The following NOX4 variants were observed in gnomAD, a reference collection of about 807,000 sequenced individuals.
NOX4 encodes kidney oxidase-1.
NOX4 carries 69 observed loss-of-function variants against 87.6 expected under a neutral mutation model. The observed-to-expected ratio is 0.79, with a 90% CI of 0.65 to 0.96. The LOEUF is 0.96. Among genes scored for constraint, NOX4 ranks in the 40% least tolerant of loss-of-function variants. The pLI, the probability that NOX4 is intolerant of heterozygous loss-of-function variation, is 0.00. For synonymous variants in NOX4, 275 were observed against 238.2 expected (o/e 1.15, Z -1.42); for missense variants, 680 against 681.5 (o/e 1.00, Z 0.02).
chr11:89,500,580 T>C (rs1210728502), upstream of NOX4, among the ~76,000 whole-genome samples: 1 of 152,084 alleles, frequency 6.6e-6, no homozygotes, highest in Non-Finnish European at 1.5e-5. Context: ...TTTCTACAAA[T>C]GAGATGTGAG....
chr11:89,472,162 TA>T lies in NOX4; in HGVS notation c.153+18295del, dbSNP rs567169783. The stretch of plus-strand genomic sequence containing the variant: ...CAATAATTGAAGCAATCATTTCTTT[TA>T]AAAAAAATTCTGAAAATAAACTACC... On this transcript the variant is annotated intron_variant, in intron 2 of 17. Coordinates refer to ENST00000263317, the MANE Select transcript of NOX4 (RefSeq NM_016931.5). 1.6e-4 allele frequency among the ~76,000 whole-genome samples: 25 copies of T among 152,208 alleles called. No homozygotes were observed. The East Asian group carries it at 3.5e-3, about 21-fold the overall frequency.
At position 89,325,651 on chromosome 11, in the gene NOX4, T is replaced by C. The variant is rs1483017699; in HGVS notation, c.*1105A>G. ...TTAAAAGGTAAAATACAGGTTTTAC[T>C]GTTCAGGAATATGACTAGACTTTCA... On this transcript the variant is annotated 3_prime_UTR_variant, in exon 18 of 18. Transcript: ENST00000263317. 1.3e-5 allele frequency: 2 copies of C among 152,070 alleles called. No individual in the cohort carries two copies. The highest frequency in any genetic ancestry group is 2.4e-5 in the African/African-American group (1 of 41,416). The allele number at this position is 152,070 out of a possible 1,614,324, so 9.4% of individuals were successfully genotyped here. A position where few individuals can be genotyped will look rare whatever the true frequency, so the allele number is the denominator to read the frequency against.
At chr11:89,425,422 A>C (rs567699914) in intron 7 of NOX4, among the ~76,000 whole-genome samples, 23 of 151,428 alleles carry the variant, frequency 1.5e-4, no homozygotes, top group Middle Eastern at 3.4e-3. Context: ...AAAAAAAAAA[A>C]AACAAAACAA....
intron 11 of NOX4, among the ~76,000 whole-genome samples, chr11:89,377,443 A>G (rs1218954798): frequency 6.6e-6 from 1 of 152,172 alleles, no homozygotes; most frequent in Non-Finnish European, 1.5e-5. Context: ...ACAGATCTGG[A>G]GAAATACGTA....
At chr11:89,356,247 G>A (rs1938037628) in intron 12 of NOX4, among the ~76,000 whole-genome samples, 1 of 152,010 alleles carries the variant, frequency 6.6e-6, no homozygotes, top group Admixed American at 6.6e-5. Context: ...GTAATTGTTG[G>A]TGTTTCATAT....
chr11:89,458,762 T>TCACA (rs1220898792), intron 2 of NOX4, among the ~76,000 whole-genome samples: 1 of 152,060 alleles, frequency 6.6e-6, no homozygotes, highest in African/African-American at 2.4e-5. Flanking sequence ...AAATACCATC[T>TCACA]CACACCAGTC....
At chr11:89,520,363 T>C in the NOX4 span, among the ~76,000 whole-genome samples, 3 of 152,032 alleles carry the variant, frequency 2.0e-5, no homozygotes, top group Non-Finnish European at 2.9e-5. Flanking sequence ...CAAAACAAAA[T>C]ATTAGGAATT....
At chr11:89,538,329 A>G in the NOX4 span, among the ~76,000 whole-genome samples, 1 of 152,282 alleles carries the variant, frequency 6.6e-6, no homozygotes, top group Non-Finnish European at 1.5e-5. Context: ...TGTCCTGAAT[A>G]GAAATCTCCA....
chr11:89,486,128 C>T (rs1474110049), intron 2 of NOX4, among the ~76,000 whole-genome samples: 1 of 151,408 alleles, frequency 6.6e-6, no homozygotes, highest in South Asian at 2.1e-4. Flanking sequence ...GAATAATAAC[C>T]CAGAAATAAA....
the NOX4 span, among the ~76,000 whole-genome samples, chr11:89,555,287 C>A: frequency 1.5e-4 from 23 of 152,070 alleles, no homozygotes; most frequent in Non-Finnish European, 2.6e-4. Context: ...AATTTGAGGA[C>A]CAGCCTAGGC....
the NOX4 span, among the ~76,000 whole-genome samples, chr11:89,569,247 G>C: frequency 6.7e-6 from 1 of 149,382 alleles, no homozygotes; most frequent in Non-Finnish European, 1.5e-5. Context: ...AGCAGAAGAA[G>C]CTATCCACAG....
chr11:89,438,875 AATATATAATATATTATATATTAT>A (rs1944300218), intron 6 of NOX4, among the ~76,000 whole-genome samples: 5 of 52,462 alleles, frequency 9.5e-5, no homozygotes, highest in African/African-American at 3.4e-4. Context: ...TTATATATAT[AATATATAATATATTATATATTAT>A]ATATATAATA....
chr11:89,563,136 C>G, the NOX4 span, among the ~76,000 whole-genome samples: 336 of 152,252 alleles, frequency 2.2e-3, no homozygotes, highest in Middle Eastern at 6.8e-3. Flanking sequence ...TTATAAATTA[C>G]CAAGTCTCAG....
intron 3 of NOX4, among the ~76,000 whole-genome samples, 156 bp downstream of exon 3, chr11:89,451,629 T>C (rs1944966059): frequency 6.6e-6 from 1 of 152,106 alleles, no homozygotes; most frequent in African/African-American, 2.4e-5. Context: ...GCAGAATAAC[T>C]CACAGATCAT....
intron 11 of NOX4, among the ~76,000 whole-genome samples, chr11:89,398,624 A>G (rs1941641502): frequency 6.6e-6 from 1 of 150,626 alleles, no homozygotes; most frequent in African/African-American, 2.4e-5. Context: ...ATAGATGCAG[A>G]CAGATGGGAA....
In NOX4 at chr11:89,400,442, C is replaced by T. The variant is rs576751137; in HGVS notation, c.847-63G>A. On this transcript the variant is annotated intron_variant, in intron 9 of 17. Transcript: ENST00000263317. The stretch of plus-strand genomic sequence containing the variant: ...TCATATTGTAGAAATCTACACCCTG[C>T]CCAATTGCTTATTGCATACATTACA... 10 of 1,232,676 alleles carry T rather than the reference C, an allele frequency of 8.1e-6. No individual in the cohort carries two copies. The South Asian group carries it at 1.4e-4, about 18-fold the overall frequency. 76.4% of individuals were successfully genotyped at this position (1,232,676 alleles called of 1,614,324 possible).
intron 7 of NOX4, among the ~76,000 whole-genome samples, chr11:89,425,981 G>C (rs1943376694): frequency 6.6e-6 from 1 of 152,022 alleles, no homozygotes; most frequent in Admixed American, 6.6e-5. Flanking sequence ...TAACTAAAAA[G>C]TTTGTTCAGA....
intron 17 of NOX4, among the ~76,000 whole-genome samples, chr11:89,330,991 C>A (rs1282856699): frequency 6.6e-6 from 1 of 151,908 alleles, no homozygotes; most frequent in Non-Finnish European, 1.5e-5. Context: ...CCTATTGGAA[C>A]TAATTGGCAT....
chr11:89,575,517 T>C, the NOX4 span, among the ~76,000 whole-genome samples: 3 of 152,198 alleles, frequency 2.0e-5, no homozygotes, highest in Non-Finnish European at 4.4e-5. Context: ...TTTATTCTAC[T>C]TGCTATATAT....
Sources: allele counts gnomAD v4.1 joint callset (sites outside exome capture counted in the v4.1 genomes callset), GRCh38; gene constraint gnomAD v4.1.1; transcripts MANE v1.5; gene names NCBI Gene and HGNC (gene_info 2026-07-23, HGNC 2026-07-21).